The following VRTN variants were observed in gnomAD, a reference collection of about 807,000 sequenced individuals.
VRTN encodes vertebrae development associated, also known as vertnin.
In VRTN, 5 loss-of-function variants were observed where a neutral mutation model predicts 18.2. That is an observed-to-expected ratio of 0.27 (90% CI 0.14 to 0.58). The LOEUF (loss-of-function observed/expected upper bound fraction) is 0.58. Among genes scored for constraint, VRTN ranks in the 20% least tolerant of loss-of-function variants. VRTN has a pLI of 0.91. For missense variants in VRTN, 741 were observed against 939.4 expected, an observed-to-expected ratio of 0.79 and a Z score of 2.76; for synonymous variants, 381 against 393.7, an observed-to-expected ratio of 0.97 and a Z score of 0.38.
chr14:74,317,147 G>A (rs577079512), intron 1 of VRTN, among the ~76,000 whole-genome samples: 1 of 152,314 alleles, frequency 6.6e-6, no homozygotes, highest in Admixed American at 6.5e-5. Flanking sequence ...TGATTTAAAA[G>A]GATCACCCTG....
chr14:74,344,372 T>G (rs1190071881), upstream of VRTN, among the ~76,000 whole-genome samples: 9 of 134,416 alleles, frequency 6.7e-5, no homozygotes, highest in African/African-American at 2.6e-4. Context: ...ATCATGCCAG[T>G]GTACTCCAGC....
intron 1 of VRTN, among the ~76,000 whole-genome samples, chr14:74,321,894 G>A (rs1238755611): frequency 6.6e-6 from 1 of 151,956 alleles, no homozygotes; most frequent in East Asian, 1.9e-4. Context: ...AGGCTGCAGT[G>A]CAGTGGTGCG....
rs781150569 is a variant in VRTN, at chr14:74,358,878, C to T, written c.2095C>T (p.Leu699=). The change falls in exon 2 of 2, where the codon CTG becomes TTG. Residue 699 remains leucine (L), a synonymous_variant. Transcript: ENST00000256362. The surrounding 1 kb of genome is among the most constrained non-coding windows in gnomAD (Gnocchi z 5.4). ...GCGAGCCCTCTATGACGGCCTGACC[C>T]TGGTAGATGGCTGACAGGGAGGTAC... The part of the protein sequence containing the change: ...WKRALYDGLT[L]VDG The T allele has an allele frequency of 8.1e-6, 13 of 1,609,306 alleles. No individual in the cohort carries two copies. Among genetic ancestry groups the T allele is most frequent in the African/African-American group, 1.3e-5 (1 of 74,910 alleles).
At chr14:74,343,625 G>A (rs558465577), upstream of VRTN, among the ~76,000 whole-genome samples, 40 of 152,194 alleles carry the variant, frequency 2.6e-4, no homozygotes, top group African/African-American at 9.1e-4. Context: ...CATAAATCAC[G>A]CCCATGCATT....
chr14:74,334,526 T>A (rs1347738116), intron 1 of VRTN, among the ~76,000 whole-genome samples: 1 of 152,180 alleles, frequency 6.6e-6, no homozygotes, highest in Non-Finnish European at 1.5e-5. Context: ...CAAGACTCCA[T>A]GTCAAACAAA....
At chr14:74,342,247 A>AG (rs1018004170) in intron 2 of VRTN, among the ~76,000 whole-genome samples, 2 of 112,288 alleles carry the variant, frequency 1.8e-5, no homozygotes, top group Non-Finnish European at 3.3e-5. Flanking sequence ...ACCCTGCTTC[A>AG]GAAAAAAAAA....
At chr14:74,314,804 G>A (rs1272911480) in intron 1 of VRTN, among the ~76,000 whole-genome samples, 1 of 152,156 alleles carries the variant, frequency 6.6e-6, no homozygotes, top group Non-Finnish European at 1.5e-5. Flanking sequence ...AGACTGAGTG[G>A]GGAAACCCAG....
At chr14:74,309,885 T>C (rs2085376592) in intron 1 of VRTN, among the ~76,000 whole-genome samples, 1 of 152,126 alleles carries the variant, frequency 6.6e-6, no homozygotes, top group Non-Finnish European at 1.5e-5. Flanking sequence ...TGGTAATAAC[T>C]GTCAAATTTT....
chr14:74,307,765 C>CT (rs1344174684), intron 1 of VRTN, among the ~76,000 whole-genome samples: 29 of 151,818 alleles, frequency 1.9e-4, no homozygotes, highest in African/African-American at 7.0e-4. Flanking sequence ...GAGTCTCGCT[C>CT]TGTTGCCCAG....
intron 1 of VRTN, among the ~76,000 whole-genome samples, chr14:74,319,764 A>G (rs1438526533): frequency 1.3e-5 from 2 of 152,204 alleles, no homozygotes; most frequent in African/African-American, 2.4e-5. Flanking sequence ...GTTTTAAATG[A>G]GTAGATTGCA....
At chr14:74,329,066 T>C (rs1206083793) in intron 1 of VRTN, among the ~76,000 whole-genome samples, 1 of 151,326 alleles carries the variant, frequency 6.6e-6, no homozygotes, top group Non-Finnish European at 1.5e-5. Context: ...AGGTTGGGAG[T>C]TCCAGACCAG....
chr14:74,313,441 A>T (rs1482242563), intron 1 of VRTN, among the ~76,000 whole-genome samples: 1 of 152,226 alleles, frequency 6.6e-6, no homozygotes, highest in Non-Finnish European at 1.5e-5. Context: ...ATACTCAAGA[A>T]TAGCTGCTTA....
intron 1 of VRTN, among the ~76,000 whole-genome samples, chr14:74,349,193 C>G (rs1414289748): frequency 6.6e-6 from 1 of 152,228 alleles, no homozygotes; most frequent in African/African-American, 2.4e-5. Context: ...CAGCCACTAC[C>G]CTTGGTGGTG....
At chr14:74,347,437 T>C (rs1049794946), upstream of VRTN, among the ~76,000 whole-genome samples, 6 of 152,226 alleles carry the variant, frequency 3.9e-5, no homozygotes, top group African/African-American at 1.2e-4. Flanking sequence ...TTTTTGCTTT[T>C]GGTGATAACT....
Position 74,356,860 on chromosome 14 carries a change from G to T in VRTN, c.77G>T (p.Gly26Val). The stretch of plus-strand genomic sequence containing the variant: ...GCAGTGGAGTGCGAAGGCCTGGAGG[G>T]TCTCATAGGTGCTTCCTTGGAGGCC... ...QEAVECEGLE[G>V]LIGASLEAKQ... Residue 26 changes from glycine (G) to valine (V), a missense_variant, in exon 2 of 2, where the codon GGT becomes GTT. Physicochemically the swap from Gly to Val is moderately radical, Grantham distance 109. Transcript: ENST00000256362. 6.2e-7 allele frequency: 1 copy of T among 1,613,968 alleles called. No individual in the cohort carries two copies. The highest frequency in any genetic ancestry group is 8.5e-7 in the Non-Finnish European group (1 of 1,179,966).
chr14:74,310,277 G>A (rs1173921889), intron 1 of VRTN, among the ~76,000 whole-genome samples: 1 of 151,414 alleles, frequency 6.6e-6, no homozygotes, highest in African/African-American at 2.4e-5. Context: ...CATTCCTGTA[G>A]TCCCAGCTAC....
In VRTN at chr14:74,357,772, T is replaced by C. The variant is rs1205686285; in HGVS notation, c.989T>C (p.Val330Ala). 1 of 1,613,080 alleles carries C rather than the reference T, an allele frequency of 6.2e-7. No homozygotes were observed. Among genetic ancestry groups the C allele is most frequent in the African/African-American group, 1.3e-5 (1 of 74,942 alleles). ...LQDSFHRGGV[V>A]PLQQFLQRFP... ...GACAGCTTCCACCGGGGGGGCGTCG[T>C]GCCACTTCAGCAGTTCCTCCAGCGG... The change falls in exon 2 of 2, where the codon GTG becomes GCG. Residue 330 changes from valine (V) to alanine (A), a missense_variant. Transcript: ENST00000256362. The surrounding 1 kb of genome is among the most constrained non-coding windows in gnomAD (Gnocchi z 7.8).
rs1264044003 is a variant in VRTN, at chr14:74,332,041, CTG to C, written c.-163-5679_-163-5678del. 3.3e-5 allele frequency among the ~76,000 whole-genome samples: 5 copies of C among 152,192 alleles called. No individual in the cohort carries two copies. In the East Asian group the frequency reaches 5.8e-4, roughly 18 times the overall value. Reference sequence around the variant, plus strand: ...AGAGATGATAGGACACCTTAAAAGACTGTGCCCATATGTAGTTCTGCAAGGGC... The same window carrying C: ...AGAGATGATAGGACACCTTAAAAGACTGCCCATATGTAGTTCTGCAAGGGC... On this transcript the variant is annotated intron_variant, in intron 1 of 2. Transcript: ENST00000557177.
chr14:74,314,394 C>CCTTT (rs777522275), intron 1 of VRTN, among the ~76,000 whole-genome samples: 1 of 108,824 alleles, frequency 9.2e-6, no homozygotes, highest in Non-Finnish European at 1.8e-5. Flanking sequence ...AAAAACTGTT[C>CCTTT]TTTTTTTTTT....
Sources: allele counts gnomAD v4.1 joint callset (sites outside exome capture counted in the v4.1 genomes callset), GRCh38; gene constraint gnomAD v4.1.1; non-coding constraint Gnocchi (gnomAD v3.1); transcripts MANE v1.5; gene names NCBI Gene and HGNC (gene_info 2026-07-23, HGNC 2026-07-21).